Variants in SYVN1 observed in about 807,000 individuals in gnomAD.
SYVN1 encodes E3 ubiquitin-protein ligase synoviolin.
A neutral mutation model predicts 62.6 loss-of-function variants in SYVN1; 17 were observed. The observed-to-expected ratio is 0.27, with a 90% CI of 0.19 to 0.41. SYVN1 has a LOEUF of 0.41. SYVN1 is among the 10% of genes least tolerant of loss of function. SYVN1 has a pLI of 1.00. For missense variants in SYVN1, 634 were observed against 818.0 expected (o/e 0.78, Z 2.74); for synonymous variants, 316 against 304.0 (o/e 1.04, Z -0.41).
Position 65,128,640 on chromosome 11 carries a change from G to C in SYVN1, c.1670C>G (p.Thr557Ser). The stretch of plus-strand genomic sequence containing the variant: ...CGTGGCCTCTGAGCTAGGGATGCTG[G>C]TGGAGGAGGCAGCAGCAACAACTGT... Reference protein sequence around the residue: ...ATTVVAAASSTSIPSSEATTP... With the variant: ...ATTVVAAASSSSIPSSEATTP... Residue 557 changes from threonine to serine, a missense_variant, in exon 15 of 16, where the codon ACC (threonine) becomes AGC (serine). Coordinates refer to ENST00000377190, the MANE Select transcript of SYVN1 (RefSeq NM_172230.3). 1 of 1,614,058 alleles carries C rather than the reference G, an allele frequency of 6.2e-7. No homozygotes were observed. The highest frequency in any genetic ancestry group is 8.5e-7 in the Non-Finnish European group (1 of 1,179,928).
At position 65,127,730 on chromosome 11, in the gene SYVN1, A is replaced by G. The variant is rs10088; in HGVS notation, c.*652T>C. ...GTCAGTCTCACTTGAGAAGCTGCAG[A>G]GGAAAGGGGCCTGGGGGGAGGGGCG... On this transcript the variant is annotated 3_prime_UTR_variant, in exon 16 of 16. Coordinates refer to ENST00000377190, the MANE Select transcript of SYVN1 (RefSeq NM_172230.3). 130,138 of 149,360 alleles carry G rather than the reference A, an allele frequency of 0.87. 57,517 individuals are homozygous for G. Among genetic ancestry groups the G allele is most frequent in the Middle Eastern group, 0.95 (278 of 294 alleles). 9.3% of individuals were successfully genotyped at this position (149,360 alleles called of 1,614,324 possible). A position where few individuals can be genotyped will look rare whatever the true frequency, so the allele number is the denominator to read the frequency against.
Position 65,130,945 on chromosome 11 carries a change from G to A in SYVN1, c.916C>T (p.Pro306Ser), listed in dbSNP as rs1217192935. 6.2e-7 allele frequency: 1 copy of A among 1,613,936 alleles called. No individual in the cohort carries two copies. The highest frequency in any genetic ancestry group is 1.3e-5 in the African/African-American group (1 of 75,038). The change falls in exon 10 of 16, where the codon CCC becomes TCC. Residue 306 changes from proline (P) to serine (S), a missense_variant. By Grantham distance (74) the Pro-to-Ser change is moderately conservative. Coordinates refer to ENST00000377190, the MANE Select transcript of SYVN1 (RefSeq NM_172230.3). Reference sequence around the variant, plus strand: ...CTGGTATGGAAAATGTGGTTGCAGGGCAGTCTCTTGGCACCAGTCACCATC... The same window carrying A: ...CTGGTATGGAAAATGTGGTTGCAGGACAGTCTCTTGGCACCAGTCACCATC... ...EEMVTGAKRLPCNHIFHTSCL... is the reference protein window; with the variant it reads ...EEMVTGAKRLSCNHIFHTSCL...
In SYVN1 at chr11:65,130,858, C is replaced by T. The variant is rs376744589; in HGVS notation, c.942-35G>A. On this transcript the variant is annotated intron_variant, in intron 10 of 15. Coordinates refer to ENST00000377190, the MANE Select transcript of SYVN1 (RefSeq NM_172230.3). ...AAGGCCAGGCAGAGGTCAGCAGGTC[C>T]CTAGGGGCCTGCCTTCTGGGGCCTG... 195 of 1,606,292 alleles carry T rather than the reference C, an allele frequency of 1.2e-4. 2 individuals carry two copies. The highest frequency in any genetic ancestry group is 1.2e-3 in the East Asian group (54 of 44,862).
Position 65,130,278 on chromosome 11 carries a change from C to A in SYVN1, c.1207G>T (p.Ala403Ser). The A allele has an allele frequency of 6.2e-7, 1 of 1,602,206 alleles. No homozygotes were observed. Among genetic ancestry groups the A allele is most frequent in the Non-Finnish European group, 8.5e-7 (1 of 1,174,072 alleles). ...GCACTGGTGGATGGAGGAGCCACAG[C>A]CTCTCCTGAGCTGGGGGGAGGCGGG... is the stretch of plus-strand genomic sequence containing the variant. ...PVPPPPSSGE[A>S]VAPPSTSAAA... The change falls in exon 12 of 16, where the codon GCT becomes TCT. Residue 403 changes from alanine (A) to serine (S), a missense_variant. By Grantham distance (99) the Ala-to-Ser change is moderately conservative (BLOSUM62 1). This residue lies in a region of SYVN1 where 351 missense variants were observed against 373.3 expected (regional missense o/e 0.94). Transcript: ENST00000377190.
chr11:65,130,465 G>C (rs1590826704), intron 11 of SYVN1, 86 bp from the exon 12 acceptor site: 1 of 1,447,298 alleles, frequency 6.9e-7, no homozygotes, highest in African/African-American at 1.4e-5. Flanking sequence ...TGAGAGCTCT[G>C]TCCTATTCCC....
Position 65,128,506 on chromosome 11 carries a change from G to A in SYVN1, c.1748-18C>T, listed in dbSNP as rs374049770. 14 of 1,613,294 alleles carry A rather than the reference G, an allele frequency of 8.7e-6. No individual in the cohort carries two copies. In the African/African-American group the frequency reaches 1.6e-4, roughly 18 times the overall value. On this transcript the variant is annotated intron_variant, in intron 15 of 15. Transcript: ENST00000377190. ...CTCAGGAGCTGGGGACAGAGAGACT[G>A]GAAGTGGAACCTAGAGAAGTTCCCT...
chr11:65,131,223 G>A (rs1384021869), intron 8 of SYVN1, 26 bp from the exon 9 acceptor site: 1 of 1,614,026 alleles, frequency 6.2e-7, no homozygotes. Flanking sequence ...GTGAAAGCAG[G>A]AGAAGGGACG....
chr11:65,130,470 A>C (rs576045122), intron 11 of SYVN1, 91 bp from the exon 12 acceptor site: 1 of 1,437,808 alleles, frequency 7.0e-7, no homozygotes, highest in South Asian at 1.5e-5. Context: ...GCTCTGTCCT[A>C]TTCCCACAGG....
intron 14 of SYVN1, 43 bp downstream of exon 14, chr11:65,129,686 C>A: frequency 6.3e-7 from 1 of 1,595,376 alleles, no homozygotes; most frequent in Non-Finnish European, 8.6e-7. Flanking sequence ...CAGCTCCACT[C>A]CTGACCCACC....
chr11:65,132,797 A>G lies in SYVN1; in HGVS notation c.379-17T>C. 6.2e-7 allele frequency: 1 copy of G among 1,614,114 alleles called. No homozygotes were observed. Among genetic ancestry groups the G allele is most frequent in the Non-Finnish European group, 8.5e-7 (1 of 1,180,008 alleles). On this transcript the variant is annotated splice_polypyrimidine_tract_variant and intron_variant, in intron 4 of 15. Coordinates refer to ENST00000377190, the MANE Select transcript of SYVN1 (RefSeq NM_172230.3). ...GCGTTCCATCTGAGGCAGAGCACAG[A>G]AGAGGCCTGTCAGGAGGCCTGGGGC...
At position 65,133,189 on chromosome 11, in the gene SYVN1, A is replaced by T. The variant is rs985460520; in HGVS notation, c.196T>A (p.Phe66Ile). The change falls in exon 3 of 16, where the codon TTT (phenylalanine) becomes ATT (isoleucine). Residue 66 changes from phenylalanine to isoleucine, a missense_variant. Phe to Ile is a conservative substitution (Grantham distance 21). This residue lies in a region of SYVN1 where 283 missense variants were observed against 444.7 expected (regional missense o/e 0.64). Transcript: ENST00000377190. ...ATCTCTGCTGCCCTCAGTTGCCCAAAGAACACCTTGCCCATCACCTTGCCC... is the reference window on the plus strand; with the variant it reads ...ATCTCTGCTGCCCTCAGTTGCCCAATGAACACCTTGCCCATCACCTTGCCC... ...LLGKVMGKVFFGQLRAAEMEH... is the reference protein window; with the variant it reads ...LLGKVMGKVFIGQLRAAEMEH... 1 of 1,614,054 alleles carries T rather than the reference A, an allele frequency of 6.2e-7. No homozygotes were observed. Among genetic ancestry groups the T allele is most frequent in the African/African-American group, 1.3e-5 (1 of 74,914 alleles).
intron 12 of SYVN1, 34 bp downstream of exon 12, chr11:65,130,217 C>T (rs776283343): frequency 1.2e-5 from 19 of 1,609,048 alleles, no homozygotes; most frequent in African/African-American, 2.7e-5. Context: ...CCATCCCTGC[C>T]GCCCCCTGGC....
intron 5 of SYVN1, 152 bp downstream of exon 5, chr11:65,132,580 A>G: frequency 1.0e-6 from 1 of 1,000,998 alleles, no homozygotes; most frequent in Non-Finnish European, 1.5e-6. Flanking sequence ...CAGGCAGTTG[A>G]GAAGCCCTAG....
intron 8 of SYVN1, 35 bp from the exon 9 acceptor site, chr11:65,131,232 C>T (rs749216231): frequency 5.0e-5 from 80 of 1,613,720 alleles, no homozygotes; most frequent in Non-Finnish European, 6.4e-5. Context: ...GGAGAAGGGA[C>T]GGGATCAGGT....
At position 65,129,892 on chromosome 11, in the gene SYVN1, G is replaced by T. The variant is rs748287910; in HGVS notation, c.1432C>A (p.Pro478Thr). ...PFAFPPMPVPPAGFAGLTPEE... is the reference protein window; with the variant it reads ...PFAFPPMPVPTAGFAGLTPEE... ...GGGGTCAGCCCAGCAAAGCCCGCAG[G>T]GGGCACAGGCATTGGGGGGAAGGCT... The change falls in exon 14 of 16, where the codon CCT becomes ACT. Residue 478 changes from proline to threonine, a missense_variant. By Grantham distance (38) the Pro-to-Thr change is conservative. This residue lies in a region of SYVN1 where 351 missense variants were observed against 373.3 expected (regional missense o/e 0.94). Transcript: ENST00000377190. 4 of 1,613,834 alleles carry T rather than the reference G, an allele frequency of 2.5e-6. No individual in the cohort carries two copies. Among genetic ancestry groups the T allele is most frequent in the South Asian group, 2.2e-5 (2 of 91,080 alleles).
chr11:65,128,012 G>T lies in SYVN1; in HGVS notation c.*370C>A. The T allele has an allele frequency of 3.0e-6, 1 of 333,960 alleles. No homozygotes were observed. The allele number at this position is 333,960 out of a possible 1,614,324, so 20.7% of individuals were successfully genotyped here. On this transcript the variant is annotated 3_prime_UTR_variant, in exon 16 of 16. Coordinates refer to ENST00000377190, the MANE Select transcript of SYVN1 (RefSeq NM_172230.3). ...TTGGGAACGGGAGCTAATACTGTTC[G>T]GCACTGCAGTGTGACTCCGCACATA...
rs1421372004 is a variant in SYVN1, at chr11:65,130,697, G to C, written c.1068C>G (p.Ala356=). 2 of 1,279,648 alleles carry C rather than the reference G, an allele frequency of 1.6e-6. No individual in the cohort carries two copies. The highest frequency in any genetic ancestry group is 5.7e-5 in the East Asian group (2 of 35,340). 79.3% of individuals were successfully genotyped at this position (1,279,648 alleles called of 1,614,324 possible). A position where few individuals can be genotyped will look rare whatever the true frequency, so the allele number is the denominator to read the frequency against. The change falls in exon 11 of 16, where the codon GCC becomes GCG. Residue 356 remains alanine (A), a synonymous_variant. Coordinates refer to ENST00000377190, the MANE Select transcript of SYVN1 (RefSeq NM_172230.3). Reference sequence around the variant, plus strand: ...GAGGCAAGAGTGGTGGGGGGTGGGGGGCAGGGGGTGGCCCCTGATCCGCAG... The same window carrying C: ...GAGGCAAGAGTGGTGGGGGGTGGGGCGCAGGGGGTGGCCCCTGATCCGCAG... ...PEPADQGPPP[A]PHPPPLLPQP...
Position 65,131,340 on chromosome 11 carries a change from A to G in SYVN1, c.692T>C (p.Met231Thr). ...GGTGTGCACCTTGATCATGATGGTC[A>G]TGAAGGCCATGTACAGCAGAACCTT... ...FIKVLLYMAF[M>T]TIMIKVHTFP... is the part of the protein sequence containing the mutation. The change falls in exon 8 of 16, where the codon ATG becomes ACG. Residue 231 changes from methionine to threonine, a missense_variant. Around this residue, in one of 2 missense-constraint regions of SYVN1, gnomAD observed 283 missense variants for 444.7 expected, o/e 0.64. Transcript: ENST00000377190. The G allele has an allele frequency of 1.9e-6, 3 of 1,614,132 alleles. No individual in the cohort carries two copies. The highest frequency in any genetic ancestry group is 2.2e-5 in the South Asian group (2 of 91,080).
Position 65,131,211 on chromosome 11 carries a change from C to A in SYVN1, c.759-14G>T. ...TTCTTGAACTGTCTGAAAGGACAGT[C>A]AGTGAAAGCAGGAGAAGGGACGGGA... On this transcript the variant is annotated splice_polypyrimidine_tract_variant and intron_variant, in intron 8 of 15. Coordinates refer to ENST00000377190, the MANE Select transcript of SYVN1 (RefSeq NM_172230.3). 1 of 1,613,992 alleles carries A rather than the reference C, an allele frequency of 6.2e-7. No homozygotes were observed. The highest frequency in any genetic ancestry group is 1.1e-5 in the South Asian group (1 of 91,060).
Sources: gnomAD v4.1 joint callset for allele counts on GRCh38, gnomAD v4.1.1 for gene constraint, gnomAD v4.1.1 regional missense constraint, MANE v1.5 for transcripts, NCBI Gene and HGNC (gene_info 2026-07-23, HGNC 2026-07-21) for gene names.